The following XCR1 variants were observed in gnomAD, a reference collection of about 807,000 sequenced individuals.
XCR1 encodes the protein X-C motif chemokine receptor 1, also known as chemokine XC receptor 1.
For missense variants in XCR1, 356 were observed against 424.2 expected, an observed-to-expected ratio of 0.84 and a Z score of 1.41; for synonymous variants, 187 against 188.5, an observed-to-expected ratio of 0.99 and a Z score of 0.06.
rs1168467214 is a variant in XCR1, at chr3:46,021,049, T to C, written c.899A>G (p.His300Arg). The C allele has an allele frequency of 2.5e-6, 4 of 1,614,094 alleles. No individual in the cohort carries two copies. Among genetic ancestry groups the C allele is most frequent in the East Asian group, 2.2e-5 (1 of 44,870 alleles). Residue 300 changes from histidine (H) to arginine (R), a missense_variant, in exon 2 of 2, where the codon CAT (histidine) becomes CGT (arginine). Transcript: ENST00000309285. This position sits in a 1 kb window ranked among gnomAD's most constrained non-coding sequence, Gnocchi z 4.7. ...GCAGAACCAGAACTGCCGGAGAACA[T>C]GTTTCAGGTGTGTGCGGAACTTGAC... Reference protein sequence around the residue: ...VGVKFRTHLKHVLRQFWFCRL... With the variant: ...VGVKFRTHLKRVLRQFWFCRL...
chr3:46,053,921 A>T (rs1337050840), exon 5 of XCR1, among the ~76,000 whole-genome samples: 2 of 149,124 alleles, frequency 1.3e-5, no homozygotes, highest in Non-Finnish European at 2.9e-5. Flanking sequence ...GGCACTGACC[A>T]TAATTATATC....
chr3:46,080,553 C>T (rs1372400203), intron 1 of XCR1, among the ~76,000 whole-genome samples: 1 of 152,088 alleles, frequency 6.6e-6, no homozygotes, highest in African/African-American at 2.4e-5. Flanking sequence ...CAAAGCGAGA[C>T]CCTGTCTCAA....
chr3:46,031,542 G>T (rs995106479), upstream of XCR1, among the ~76,000 whole-genome samples: 1 of 152,210 alleles, frequency 6.6e-6, no homozygotes, highest in Non-Finnish European at 1.5e-5. Context: ...CTCATTCCTG[G>T]CCTGCAGGCA....
chr3:46,034,775 A>G (rs886095381), intron 5 of XCR1, among the ~76,000 whole-genome samples: 2 of 152,118 alleles, frequency 1.3e-5, no homozygotes, highest in African/African-American at 4.8e-5. Flanking sequence ...TGATGAAAAA[A>G]GCTTCTGGTT....
At chr3:46,062,202 G>A (rs1178606083) in intron 4 of XCR1, among the ~76,000 whole-genome samples, 1 of 152,192 alleles carries the variant, frequency 6.6e-6, no homozygotes, top group Non-Finnish European at 1.5e-5. Flanking sequence ...CAGGCCTCCT[G>A]GAAGCAGGAC....
rs545623672 is a variant in XCR1, at chr3:46,021,542, A to G, written c.406T>C (p.Ser136Pro). 1 of 1,611,034 alleles carries G rather than the reference A, an allele frequency of 6.2e-7. No individual in the cohort carries two copies. Among genetic ancestry groups the G allele is most frequent in the African/African-American group, 1.3e-5 (1 of 74,906 alleles). Reference sequence around the variant, plus strand: ...CGGAGGGTGGGGACGCGCAGGGTGGAGAGGGGGCTCACTACCGACAGGTAG... The same window carrying G: ...CGGAGGGTGGGGACGCGCAGGGTGGGGAGGGGGCTCACTACCGACAGGTAG... ...HRYLSVVSPL[S>P]TLRVPTLRCR... The change falls in exon 2 of 2, where the codon TCC becomes CCC. Residue 136 changes from serine to proline, a missense_variant. Coordinates refer to ENST00000309285, the MANE Select transcript of XCR1 (RefSeq NM_001024644.2). This position sits in a 1 kb window ranked among gnomAD's most constrained non-coding sequence, Gnocchi z 4.7.
chr3:46,045,110 A>C (rs6441939), intron 5 of XCR1, among the ~76,000 whole-genome samples: 126,528 of 152,170 alleles, frequency 0.83, 53,342 homozygotes, highest in East Asian at 0.99. Flanking sequence ...TATTGTCAAA[A>C]AAAACCCCTA....
At position 46,066,504 on chromosome 3, in the gene XCR1, A is replaced by G. The variant is rs141617387; in HGVS notation, c.-183+395T>C. 2.6e-3 allele frequency among the ~76,000 whole-genome samples: 403 copies of G among 152,280 alleles called. 1 individual carries two copies. Among genetic ancestry groups the G allele is most frequent in the Middle Eastern group, 0.01 (3 of 294 alleles). On this transcript the variant is annotated intron_variant, in intron 4 of 5. Transcript: ENST00000683768. ...TTGATCCACCCACTTGGGCCTCCCA[A>G]AGTGCTGCAATTATAGGCGTCGGCC...
At chr3:46,026,737 C>T (rs542130013) in intron 1 of XCR1, among the ~76,000 whole-genome samples, 91 of 151,794 alleles carry the variant, frequency 6.0e-4, no homozygotes, top group Non-Finnish European at 1.1e-3. Context: ...TGCCCGTCAC[C>T]ACACCTGGCT....
chr3:46,021,282 G>A lies in XCR1; in HGVS notation c.666C>T (p.Arg222=). 1 of 1,614,216 alleles carries A rather than the reference G, an allele frequency of 6.2e-7. No individual in the cohort carries two copies. The highest frequency in any genetic ancestry group is 1.6e-4 in the Middle Eastern group (1 of 6,062). The change falls in exon 2 of 2, where the codon CGC becomes CGT. Residue 222 remains arginine (R), a synonymous_variant. Transcript: ENST00000309285. This position sits in a 1 kb window ranked among gnomAD's most constrained non-coding sequence, Gnocchi z 4.7. ...CGATGGCGAAGATGAGCTTGACCGT[G>A]CGGTGGCGCCGCTTGGAGCGTGAGC... ...LFRSRSKRRH[R]TVKLIFAIVV... is the part of the protein sequence containing the mutation.
chr3:46,066,744 AG>A (rs1368535397), intron 4 of XCR1, among the ~76,000 whole-genome samples: 1 of 152,254 alleles, frequency 6.6e-6, no homozygotes. Context: ...ATGGGTCTGG[AG>A]TTAGACCACG....
intron 1 of XCR1, among the ~76,000 whole-genome samples, chr3:46,084,764 C>T (rs1423356289): frequency 2.0e-5 from 3 of 152,124 alleles, no homozygotes; most frequent in South Asian, 2.1e-4. Context: ...GACATAAAGA[C>T]GGAAACCGTA....
At chr3:46,076,572 A>C (rs1698263850) in intron 2 of XCR1, among the ~76,000 whole-genome samples, 2 of 107,758 alleles carry the variant, frequency 1.9e-5, no homozygotes, top group Non-Finnish European at 3.7e-5. Flanking sequence ...GGTAGCCATT[A>C]TTTTGAAAAA....
At chr3:46,068,532 G>T (rs1285419515) in intron 3 of XCR1, among the ~76,000 whole-genome samples, 1 of 152,134 alleles carries the variant, frequency 6.6e-6, no homozygotes, top group African/African-American at 2.4e-5. Context: ...GGGAAGTGTT[G>T]TCAACTTACA....
At chr3:46,068,999 T>G (rs1698122152) in intron 3 of XCR1, among the ~76,000 whole-genome samples, 1 of 152,124 alleles carries the variant, frequency 6.6e-6, no homozygotes, top group Non-Finnish European at 1.5e-5. Flanking sequence ...TATCATATGT[T>G]TAAATAATCC....
At position 46,024,176 on chromosome 3, in the gene XCR1, G is replaced by T. The variant is rs1708238503; in HGVS notation, c.-31-2198C>A. On this transcript the variant is annotated intron_variant, in intron 1 of 1. Transcript: ENST00000309285. The stretch of plus-strand genomic sequence containing the variant: ...AATTAAAATGGAAGGCCACAGAAGA[G>T]GGGAGAAGAGGAAATAATACAGTAA... The T allele has an allele frequency of 7.4e-6, 4 of 540,806 alleles. No homozygotes were observed. The South Asian group carries it at 1.3e-4, about 17-fold the overall frequency. The allele number at this position is 540,806 out of a possible 1,614,324, so 33.5% of individuals were successfully genotyped here. A position where few individuals can be genotyped will look rare whatever the true frequency, so the allele number is the denominator to read the frequency against.
At chr3:46,024,912 T>TA (rs961286256) in intron 1 of XCR1, among the ~76,000 whole-genome samples, 4 of 152,062 alleles carry the variant, frequency 2.6e-5, no homozygotes, top group South Asian at 2.1e-4. Flanking sequence ...TGTGTTTTAT[T>TA]AAAAAAACCC....
chr3:46,075,607 T>C (rs1230600025), intron 2 of XCR1, among the ~76,000 whole-genome samples: 1 of 152,068 alleles, frequency 6.6e-6, no homozygotes, highest in Non-Finnish European at 1.5e-5. Context: ...TGGGAGAAAA[T>C]ATTTTCCAAC....
intron 5 of XCR1, among the ~76,000 whole-genome samples, chr3:46,053,694 G>C (rs58174772): frequency 0.055 from 8,354 of 152,170 alleles, 324 homozygotes; most frequent in African/African-American, 0.11. Flanking sequence ...CATCAAGAGT[G>C]CCTGCCTGTG....
Sources: gnomAD v4.1 joint callset for allele counts (sites outside exome capture counted in the v4.1 genomes callset) on GRCh38, gnomAD v4.1.1 for gene constraint, Gnocchi (gnomAD v3.1) non-coding constraint, MANE v1.5 for transcripts, NCBI Gene and HGNC (gene_info 2026-07-23, HGNC 2026-07-21) for gene names.